Variants in HMBOX1 observed in about 807,000 individuals in gnomAD.
HMBOX1 encodes homeobox containing 1.
Under a neutral mutation model 54.5 loss-of-function variants are expected in HMBOX1, and 14 were observed. The observed-to-expected ratio is 0.26, with a 90% CI of 0.17 to 0.40. The LOEUF is 0.40. Ranked by LOEUF, HMBOX1 falls within the 10% of genes least tolerant of loss-of-function variation. HMBOX1 has a pLI of 1.00. For synonymous variants in HMBOX1, 160 were observed against 181.0 expected (o/e 0.88, Z 0.93); for missense variants, 332 against 514.4 (o/e 0.65, Z 3.43).
At chr8:29,017,352 T>C (rs1332520032) in intron 5 of HMBOX1, among the ~76,000 whole-genome samples, 1 of 152,222 alleles carries the variant, frequency 6.6e-6, no homozygotes, top group African/African-American at 2.4e-5. Flanking sequence ...ATTTTCTTGC[T>C]CAACAACCTG....
intron 1 of HMBOX1, among the ~76,000 whole-genome samples, chr8:28,962,712 A>G (rs1825817103): frequency 1.3e-5 from 2 of 152,150 alleles, no homozygotes; most frequent in African/African-American, 4.8e-5. Flanking sequence ...TCCTCAAATA[A>G]CAGCCAGATT....
intron 1 of HMBOX1, among the ~76,000 whole-genome samples, chr8:28,932,060 A>G (rs1819565541): frequency 1.3e-5 from 2 of 152,222 alleles, no homozygotes; most frequent in Admixed American, 6.5e-5. Flanking sequence ...GGGGCTCAAG[A>G]AAGGTCTCTT....
chr8:29,006,623 G>A (rs1323669358), intron 4 of HMBOX1, among the ~76,000 whole-genome samples: 1 of 151,900 alleles, frequency 6.6e-6, no homozygotes, highest in African/African-American at 2.4e-5. Context: ...TAGTTTTCTG[G>A]GTTTTTTTAT....
At chr8:28,900,387 T>C (rs545757011) in intron 1 of HMBOX1, among the ~76,000 whole-genome samples, 2 of 151,472 alleles carry the variant, frequency 1.3e-5, no homozygotes, top group Non-Finnish European at 2.9e-5. Context: ...CTAATTGGTA[T>C]AGTCCTCAGA....
At chr8:28,977,709 G>C (rs1355025963) in intron 3 of HMBOX1, among the ~76,000 whole-genome samples, 4 of 152,108 alleles carry the variant, frequency 2.6e-5, no homozygotes, top group Non-Finnish European at 5.9e-5. Flanking sequence ...GGGAGTCTGA[G>C]ATGGGTGGAT....
chr8:28,901,977 C>T (rs1193305444), intron 1 of HMBOX1, among the ~76,000 whole-genome samples: 1 of 152,164 alleles, frequency 6.6e-6, no homozygotes, highest in African/African-American at 2.4e-5. Context: ...CAGTGAACCT[C>T]GACACACTTA....
At chr8:29,013,595 C>G (rs1468480120) in intron 5 of HMBOX1, among the ~76,000 whole-genome samples, 2 of 152,170 alleles carry the variant, frequency 1.3e-5, no homozygotes, top group East Asian at 1.9e-4. Flanking sequence ...TCTCTGATAA[C>G]AGACTCATCA....
chr8:28,964,582 C>T (rs1826132698), intron 2 of HMBOX1, among the ~76,000 whole-genome samples: 1 of 152,130 alleles, frequency 6.6e-6, no homozygotes, highest in Admixed American at 6.5e-5. Context: ...TGCAGAGTGC[C>T]TTTAGCATAA....
chr8:28,919,588 A>G (rs566481570), intron 1 of HMBOX1, among the ~76,000 whole-genome samples: 3 of 152,314 alleles, frequency 2.0e-5, no homozygotes, highest in South Asian at 2.1e-4. Context: ...GCAGATTTCC[A>G]TAGTTGATTG....
At chr8:28,930,182 A>G (rs1347030795) in intron 1 of HMBOX1, among the ~76,000 whole-genome samples, 1 of 151,920 alleles carries the variant, frequency 6.6e-6, no homozygotes, top group African/African-American at 2.4e-5. Context: ...ACTACTAAAA[A>G]CAGCTCCTCC....
At chr8:28,964,190 C>T (rs754646430) in intron 2 of HMBOX1, among the ~76,000 whole-genome samples, 4 of 152,010 alleles carry the variant, frequency 2.6e-5, no homozygotes, top group Non-Finnish European at 4.4e-5. Flanking sequence ...CTGCTTAAAG[C>T]TTAGAAGCAT....
chr8:28,936,122 A>C (rs1442625104), intron 1 of HMBOX1, among the ~76,000 whole-genome samples: 1 of 152,098 alleles, frequency 6.6e-6, no homozygotes, highest in East Asian at 1.9e-4. Flanking sequence ...GTATGAAAAG[A>C]TGTCTCTTTT....
At chr8:28,919,971 TTG>T (rs5890431) in intron 1 of HMBOX1, among the ~76,000 whole-genome samples, 3,317 of 148,838 alleles carry the variant, frequency 0.022, 66 homozygotes, top group East Asian at 0.084. Flanking sequence ...AAGTGAAGTT[TTG>T]TGTGTGTGTG....
rs528996837 is a variant in HMBOX1, at chr8:28,970,123, G to A, written c.104G>A (p.Arg35His). 23 of 1,613,862 alleles carry A rather than the reference G, an allele frequency of 1.4e-5. No homozygotes were observed. Among genetic ancestry groups the A allele is most frequent in the Non-Finnish European group, 1.5e-5 (18 of 1,179,960 alleles). Reference protein sequence around the residue: ...EQIDLLQRLRRTGMTKHEILH... With the variant: ...EQIDLLQRLRHTGMTKHEILH... The stretch of plus-strand genomic sequence containing the variant: ...ATAGATCTGCTTCAGCGACTTCGGC[G>A]TACTGGAATGACTAAACATGAAATT... Residue 35 changes from arginine to histidine, a missense_variant, in exon 3 of 10, where the codon CGT becomes CAT. Physicochemically the swap from Arg to His is conservative, Grantham distance 29. Transcript: ENST00000287701. This position sits in a 1 kb window ranked among gnomAD's most constrained non-coding sequence, Gnocchi z 4.3.
intron 1 of HMBOX1, among the ~76,000 whole-genome samples, chr8:28,951,427 G>A (rs1823400170): frequency 1.3e-5 from 2 of 152,050 alleles, no homozygotes. Context: ...CACTGCGCCC[G>A]GCCCAAATAA....
intron 6 of HMBOX1, among the ~76,000 whole-genome samples, chr8:29,038,630 T>C (rs1377555349): frequency 2.6e-5 from 4 of 152,196 alleles, no homozygotes; most frequent in Non-Finnish European, 5.9e-5. Flanking sequence ...TTCCTAGGGC[T>C]GTCTTGAATG....
At chr8:28,897,861 T>C (rs924044043) in intron 1 of HMBOX1, among the ~76,000 whole-genome samples, 13 of 152,244 alleles carry the variant, frequency 8.5e-5, no homozygotes, top group Non-Finnish European at 1.5e-4. Context: ...GCATATGTCA[T>C]AGTTTTATTT....
chr8:29,048,011 A>G (rs1173832581), intron 8 of HMBOX1, among the ~76,000 whole-genome samples: 1 of 152,216 alleles, frequency 6.6e-6, no homozygotes, highest in African/African-American at 2.4e-5. Context: ...GTTCTAGAAT[A>G]TAGAATTAGA....
Position 28,970,634 on chromosome 8 carries a change from A to G in HMBOX1, c.500+115A>G, listed in dbSNP as rs112745695. On this transcript the variant is annotated intron_variant, in intron 3 of 9. Transcript: ENST00000287701. This position sits in a 1 kb window ranked among gnomAD's most constrained non-coding sequence, Gnocchi z 4.3. ...ATAAGAACTGTAACTTCCTCTAGCT[A>G]TAAGAACTGTAACTTCCTCCTCCCA... The G allele has an allele frequency of 5.3e-5, 34 of 646,874 alleles. No homozygotes were observed. The highest frequency in any genetic ancestry group is 2.2e-4 in the African/African-American group (12 of 55,494). The allele number at this position is 646,874 out of a possible 1,614,324, so 40.1% of individuals were successfully genotyped here. A position where few individuals can be genotyped will look rare whatever the true frequency, so the allele number is the denominator to read the frequency against.
Sources: gnomAD v4.1 joint callset for allele counts (sites outside exome capture counted in the v4.1 genomes callset) on GRCh38, gnomAD v4.1.1 for gene constraint, Gnocchi (gnomAD v3.1) non-coding constraint, MANE v1.5 for transcripts, NCBI Gene and HGNC (gene_info 2026-07-23, HGNC 2026-07-21) for gene names.